The following FAH variants were observed in gnomAD, a reference collection of about 807,000 sequenced individuals.
The protein encoded by FAH is fumarylacetoacetase.
FAH carries 47 observed loss-of-function variants against 55.8 expected under a neutral mutation model. The observed-to-expected ratio is 0.84, with a 90% CI of 0.67 to 1.07. FAH has a LOEUF of 1.07. FAH is among the 50% of genes least tolerant of loss of function. The pLI, the probability that FAH is intolerant of heterozygous loss-of-function variation, is 0.00. For synonymous variants in FAH, 199 were observed against 207.7 expected (o/e 0.96, Z 0.36); for missense variants, 495 against 545.9 (o/e 0.91, Z 0.93).
intron 9 of FAH, 69 bp downstream of exon 9, chr15:80,173,213 G>A (rs2041256523): frequency 1.2e-6 from 2 of 1,603,658 alleles, no homozygotes; most frequent in South Asian, 1.1e-5. Context: ...TGCCCACTGA[G>A]TGGACATGCC....
chr15:80,170,000 A>G (rs8033974), intron 7 of FAH, among the ~76,000 whole-genome samples: 110,872 of 152,140 alleles, frequency 0.73, 40,495 homozygotes, highest in East Asian at 0.88. Context: ...GTTGATGTTG[A>G]TACAGTCGGT....
intron 8 of FAH, 134 bp downstream of exon 8, chr15:80,172,382 G>T: frequency 3.0e-6 from 2 of 677,128 alleles, no homozygotes; most frequent in Non-Finnish European, 5.3e-6. Context: ...GGGGGTCTGG[G>T]TATCAAACAG....
intron 1 of FAH, 41 bp downstream of exon 1, chr15:80,153,176 T>C: frequency 2.4e-6 from 1 of 416,290 alleles, no homozygotes; most frequent in Non-Finnish European, 4.0e-6. Flanking sequence ...GGGGAGGGAG[T>C]GGAGTGGAGT....
intron 12 of FAH, chr15:80,180,432 G>C: frequency 1.7e-6 from 1 of 579,266 alleles, no homozygotes; most frequent in Non-Finnish European, 3.1e-6. Flanking sequence ...GTGTGAGAAC[G>C]GAAGCCTGGG....
chr15:80,183,640 G>T (rs765525138), intron 13 of FAH, among the ~76,000 whole-genome samples: 5 of 152,172 alleles, frequency 3.3e-5, no homozygotes, highest in Non-Finnish European at 5.9e-5. Flanking sequence ...GCTCTTCACG[G>T]ATGCTCCTTC....
intron 13 of FAH, among the ~76,000 whole-genome samples, chr15:80,183,297 G>A (rs1411042884): frequency 6.6e-6 from 1 of 152,218 alleles, no homozygotes; most frequent in African/African-American, 2.4e-5. Context: ...CATACATTAT[G>A]TGTTCATAAA....
intron 6 of FAH, 27 bp from the exon 7 acceptor site, chr15:80,168,234 GTTT>G: frequency 4.0e-6 from 6 of 1,490,950 alleles, no homozygotes; most frequent in Non-Finnish European, 2.8e-6. Context: ...TCACAGCACC[GTTT>G]TTTTTTTTTT....
chr15:80,173,238 T>G, intron 9 of FAH, 94 bp downstream of exon 9: 1 of 1,546,816 alleles, frequency 6.5e-7, no homozygotes, highest in South Asian at 1.1e-5. Context: ...ATGCAGACCA[T>G]CAGGAGGGAA....
intron 7 of FAH, among the ~76,000 whole-genome samples, chr15:80,169,960 G>A (rs1455532968): frequency 1.3e-5 from 2 of 152,204 alleles, no homozygotes; most frequent in Non-Finnish European, 2.9e-5. Context: ...AACATCCTTC[G>A]TAACCATGGT....
In FAH at chr15:80,186,032, C is replaced by T. The variant is rs56793941; in HGVS notation, c.1181-98C>T. ...TGATTCTGATGGCACCTTCCTGCCTCGGGCCAGCTGTGTGCTGACGGGCAC... is the reference window on the plus strand; with the variant it reads ...TGATTCTGATGGCACCTTCCTGCCTTGGGCCAGCTGTGTGCTGACGGGCAC... On this transcript the variant is annotated intron_variant, in intron 13 of 13. Transcript: ENST00000561421. The T allele has an allele frequency of 7.1e-3, 6,434 of 906,806 alleles. 241 individuals are homozygous for T. The African/African-American group carries it at 0.087, about 12-fold the overall frequency. 56.2% of individuals were successfully genotyped at this position (906,806 alleles called of 1,614,324 possible). A position where few individuals can be genotyped will look rare whatever the true frequency, so the allele number is the denominator to read the frequency against.
chr15:80,167,112 C>G (rs751075272), intron 5 of FAH: 2 of 151,568 alleles, frequency 1.3e-5, no homozygotes, highest in Non-Finnish European at 2.9e-5. Flanking sequence ...GATCTTGAAT[C>G]CATCTGGATT....
intron 5 of FAH, chr15:80,163,077 C>T (rs1278663338): frequency 1.3e-5 from 2 of 154,026 alleles, no homozygotes; most frequent in East Asian, 3.8e-4. Flanking sequence ...GCTTTACTCT[C>T]TCTCGAGTGA....
At chr15:80,182,160 C>T (rs747959917) in intron 13 of FAH, among the ~76,000 whole-genome samples, 1 of 152,168 alleles carries the variant, frequency 6.6e-6, no homozygotes, top group African/African-American at 2.4e-5. Context: ...TCTGCCTCCA[C>T]GGTCACATTG....
rs372685249 is a variant in FAH at position 80,181,076 on chromosome 15, C to T, written c.1097C>T (p.Ser366Leu). Residue 366 changes from serine (S) to leucine (L), a missense_variant, in exon 13 of 14, where the codon TCG becomes TTG. Physicochemically the swap from Ser to Leu is moderately radical, Grantham distance 145 (BLOSUM62 -2). Transcript: ENST00000561421. ...AACTTCGGCTCCATGTTGGAACTGTCGTGGAAGGGAACGAAGCCCATAGAC... is the reference window on the plus strand; with the variant it reads ...AACTTCGGCTCCATGTTGGAACTGTTGTGGAAGGGAACGAAGCCCATAGAC... The part of the protein sequence containing the change: ...PENFGSMLEL[S>L]WKGTKPIDLG... 4.9e-5 allele frequency: 79 copies of T among 1,613,588 alleles called. No individual in the cohort carries two copies. In the East Asian group the frequency reaches 8.7e-4, roughly 18 times the overall value.
chr15:80,172,006 AAC>A (rs772225357), intron 7 of FAH, 141 bp from the exon 8 acceptor site: 20 of 746,398 alleles, frequency 2.7e-5, no homozygotes, highest in Non-Finnish European at 4.9e-5. Flanking sequence ...CTGACTTAGA[AAC>A]ACAGTGGATT....
At chr15:80,167,908 G>A (rs1453141973) in intron 5 of FAH, 144 bp from the exon 6 acceptor site, 7 of 698,482 alleles carry the variant, frequency 1.0e-5, no homozygotes, top group Non-Finnish European at 1.8e-5. Flanking sequence ...CCATTCATCT[G>A]TGGATGGAAA....
chr15:80,183,493 T>C (rs776782703), intron 13 of FAH, among the ~76,000 whole-genome samples: 1 of 152,218 alleles, frequency 6.6e-6, no homozygotes, highest in Non-Finnish European at 1.5e-5. Flanking sequence ...CTTCTACGAC[T>C]TCACTGGTCA....
At chr15:80,154,909 G>C (rs1200850099) in intron 1 of FAH, among the ~76,000 whole-genome samples, 1 of 152,162 alleles carries the variant, frequency 6.6e-6, no homozygotes, top group African/African-American at 2.4e-5. Flanking sequence ...TGTGGAGCTG[G>C]TTTTGCCGGG....
At chr15:80,168,003 A>C (rs780089946) in intron 5 of FAH, 49 bp from the exon 6 acceptor site, 3 of 1,461,418 alleles carry the variant, frequency 2.1e-6, no homozygotes, top group Non-Finnish European at 2.9e-6. Context: ...GTTAATTGAC[A>C]ACATATAACA....
Sources: gnomAD v4.1 joint callset for allele counts (sites outside exome capture counted in the v4.1 genomes callset) on GRCh38, gnomAD v4.1.1 for gene constraint, MANE v1.5 for transcripts, NCBI Gene and HGNC (gene_info 2026-07-23, HGNC 2026-07-21) for gene names.